Variants in HHAT observed in about 807,000 individuals in gnomAD.
HHAT encodes protein-cysteine N-palmitoyltransferase HHAT.
A neutral mutation model predicts 70.8 loss-of-function variants in HHAT; 47 were observed. The ratio of observed to expected loss-of-function variants is 0.66; its 90% CI spans 0.53 to 0.85. The LOEUF is 0.85. HHAT is among the 40% of genes least tolerant of loss of function. The pLI is 0.00. For synonymous variants in HHAT, 228 were observed against 247.6 expected (o/e 0.92, Z 0.74); for missense variants, 609 against 604.8 (o/e 1.01, Z -0.07).
intron 9 of HHAT, among the ~76,000 whole-genome samples, chr1:210,570,931 C>G (rs749322577): frequency 4.6e-5 from 7 of 152,188 alleles, no homozygotes; most frequent in Non-Finnish European, 1.0e-4. Flanking sequence ...TTAAAGCCCA[C>G]AGCTTTACCT....
At chr1:210,614,601 C>T (rs1017367693) in intron 10 of HHAT, among the ~76,000 whole-genome samples, 1 of 152,084 alleles carries the variant, frequency 6.6e-6, no homozygotes, top group Non-Finnish European at 1.5e-5. Flanking sequence ...GTGATGTTCC[C>T]TTTCCTGTGT....
intron 1 of HHAT, among the ~76,000 whole-genome samples, chr1:210,347,266 C>T (rs1231447244): frequency 2.0e-5 from 3 of 152,108 alleles, no homozygotes; most frequent in African/African-American, 7.2e-5. Flanking sequence ...TTTGCTCTGG[C>T]TCAGTTATTT....
intron 3 of HHAT, among the ~76,000 whole-genome samples, chr1:210,373,880 T>G (rs2089819977): frequency 1.3e-5 from 2 of 152,226 alleles, no homozygotes; most frequent in African/African-American, 4.8e-5. Context: ...TTTAGGATCT[T>G]AAAGGCCATC....
chr1:210,508,257 A>G (rs2094896763), intron 8 of HHAT, among the ~76,000 whole-genome samples: 1 of 151,528 alleles, frequency 6.6e-6, no homozygotes, highest in African/African-American at 2.4e-5. Flanking sequence ...ACATACAACT[A>G]TAATTTGTCA....
chr1:210,497,093 G>GT (rs1308136981), intron 8 of HHAT, among the ~76,000 whole-genome samples: 1 of 152,168 alleles, frequency 6.6e-6, no homozygotes, highest in Admixed American at 6.5e-5. Flanking sequence ...TGTGGTCTGA[G>GT]TAATGAGCTT....
intron 10 of HHAT, among the ~76,000 whole-genome samples, chr1:210,596,801 C>G (rs1170313725): frequency 6.6e-6 from 1 of 152,166 alleles, no homozygotes; most frequent in East Asian, 1.9e-4. Flanking sequence ...ATCTTTGTGT[C>G]TCAGTGATTT....
chr1:210,351,585 A>C (rs577440661), intron 2 of HHAT, among the ~76,000 whole-genome samples: 28 of 152,152 alleles, frequency 1.8e-4, no homozygotes, highest in African/African-American at 6.5e-4. Flanking sequence ...CTCAGCTGGC[A>C]TTTCTCCTGT....
At chr1:210,413,563 T>C (rs919688305) in intron 6 of HHAT, among the ~76,000 whole-genome samples, 2 of 152,248 alleles carry the variant, frequency 1.3e-5, no homozygotes, top group Non-Finnish European at 2.9e-5. Flanking sequence ...TTCAACACTT[T>C]GCTTAGAAAT....
chr1:210,544,447 A>C (rs530363690), intron 9 of HHAT, among the ~76,000 whole-genome samples: 1 of 135,096 alleles, frequency 7.4e-6, no homozygotes, highest in African/African-American at 2.8e-5. Flanking sequence ...AACTCAGCTC[A>C]CTGCAACCTC....
At chr1:210,403,944 T>TTTTTTTTTTTTTTTTTTTTTTTTTTTTA (rs2092206917) in intron 5 of HHAT, among the ~76,000 whole-genome samples, 1 of 152,042 alleles carries the variant, frequency 6.6e-6, no homozygotes, top group African/African-American at 2.4e-5. Context: ...TTTTTTTTTT[T>TTTTTTTTTTTTTTTTTTTTTTTTTTTTA]TTTTAAATAT....
chr1:210,624,661 TG>T (rs1376687957), intron 11 of HHAT, among the ~76,000 whole-genome samples: 1 of 152,244 alleles, frequency 6.6e-6, no homozygotes, highest in African/African-American at 2.4e-5. Context: ...TGCTACTATG[TG>T]GGAGTTGTCA....
intron 3 of HHAT, among the ~76,000 whole-genome samples, chr1:210,372,163 C>T (rs972464213): frequency 6.6e-6 from 1 of 152,168 alleles, no homozygotes; most frequent in African/African-American, 2.4e-5. Context: ...TGGCCCTGCT[C>T]GTGGGTCCTG....
At chr1:210,369,019 A>G (rs1452354871) in intron 3 of HHAT, among the ~76,000 whole-genome samples, 1 of 152,122 alleles carries the variant, frequency 6.6e-6, no homozygotes, top group African/African-American at 2.4e-5. Context: ...CGGAGGTTGC[A>G]GTGAGCCAAG....
At chr1:210,546,412 A>G (rs1477342848) in intron 9 of HHAT, among the ~76,000 whole-genome samples, 1 of 152,224 alleles carries the variant, frequency 6.6e-6, no homozygotes, top group African/African-American at 2.4e-5. Context: ...TCCACCAGGC[A>G]TGGAAGATGG....
chr1:210,637,313 C>T (rs1029615344), intron 11 of HHAT, among the ~76,000 whole-genome samples: 1 of 152,088 alleles, frequency 6.6e-6, no homozygotes, highest in East Asian at 1.9e-4. Context: ...AACTATAAAA[C>T]TCTTAAAAGA....
At chr1:210,496,863 G>C (rs1346648152) in intron 8 of HHAT, among the ~76,000 whole-genome samples, 2 of 152,198 alleles carry the variant, frequency 1.3e-5, no homozygotes, top group African/African-American at 4.8e-5. Flanking sequence ...CTGTACTAAT[G>C]TCCTTTCAGA....
At chr1:210,433,483 G>A (rs993833721) in intron 7 of HHAT, among the ~76,000 whole-genome samples, 6 of 151,826 alleles carry the variant, frequency 4.0e-5, no homozygotes, top group Non-Finnish European at 7.4e-5. Context: ...GTTGTTTCTC[G>A]TGGGATTGAT....
intron 3 of HHAT, among the ~76,000 whole-genome samples, chr1:210,381,596 G>A (rs1296602364): frequency 2.0e-5 from 3 of 152,008 alleles, no homozygotes; most frequent in Non-Finnish European, 4.4e-5. Flanking sequence ...TCATTTTTAA[G>A]GCTTACCCAT....
intron 5 of HHAT, among the ~76,000 whole-genome samples, chr1:210,401,823 G>T (rs1019359834): frequency 2.0e-5 from 3 of 152,128 alleles, no homozygotes; most frequent in African/African-American, 7.2e-5. Context: ...AATTCTTCTT[G>T]TACTACATTT....
Sources: gnomAD v4.1 joint callset for allele counts (sites outside exome capture counted in the v4.1 genomes callset) on GRCh38, gnomAD v4.1.1 for gene constraint, MANE v1.5 for transcripts, NCBI Gene and HGNC (gene_info 2026-07-23, HGNC 2026-07-21) for gene names.